Variants in NRXN3 observed in about 807,000 individuals in gnomAD.
NRXN3 encodes the protein neurexin 3, also known as neurexin III.
In NRXN3, 32 loss-of-function variants were observed where a neutral mutation model predicts 137.6. That is an observed-to-expected ratio of 0.23 (90% CI 0.18 to 0.31). The LOEUF is 0.31. Among genes scored for constraint, NRXN3 ranks in the 10% least tolerant of loss-of-function variants. The probability of loss-of-function intolerance (pLI) is 1.00; values close to 1 mark genes in which losing one functional copy is unlikely to be tolerated. For synonymous variants in NRXN3, 798 were observed against 784.5 expected (o/e 1.02, Z -0.29); for missense variants, 1,574 against 2,062.5 (o/e 0.76, Z 4.59).
chr14:78,366,849 G>T (rs150705537), intron 4 of NRXN3, among the ~76,000 whole-genome samples: 1 of 152,208 alleles, frequency 6.6e-6, no homozygotes, highest in Non-Finnish European at 1.5e-5. Flanking sequence ...AGATCTGGGC[G>T]TGGACACAGC....
At chr14:79,664,444 G>A (rs1483447985) in intron 17 of NRXN3, among the ~76,000 whole-genome samples, 1 of 152,088 alleles carries the variant, frequency 6.6e-6, no homozygotes, top group Non-Finnish European at 1.5e-5. Context: ...AACTAAGGTG[G>A]AATTTTATTC....
intron 1 of NRXN3, among the ~76,000 whole-genome samples, chr14:78,184,738 G>A (rs2060088752): frequency 6.6e-6 from 1 of 152,228 alleles, no homozygotes; most frequent in Non-Finnish European, 1.5e-5. Context: ...GACCAGGAGT[G>A]GCTAGATGAC....
At chr14:79,556,624 C>T (rs1567492768) in intron 16 of NRXN3, among the ~76,000 whole-genome samples, 1 of 152,124 alleles carries the variant, frequency 6.6e-6, no homozygotes, top group Non-Finnish European at 1.5e-5. Flanking sequence ...GATGCAATCA[C>T]AACCCACTGC....
intron 4 of NRXN3, among the ~76,000 whole-genome samples, chr14:78,359,075 G>T (rs923900873): frequency 1.3e-5 from 2 of 152,148 alleles, no homozygotes; most frequent in African/African-American, 4.8e-5. Context: ...ATTCATTACT[G>T]TGTAAGTGGG....
intron 4 of NRXN3, among the ~76,000 whole-genome samples, chr14:78,325,654 A>C (rs1310021740): frequency 6.6e-6 from 1 of 151,974 alleles, no homozygotes; most frequent in Admixed American, 6.6e-5. Context: ...GAACAGTTTG[A>C]AAAAAAGCAT....
At chr14:79,417,792 T>G (rs1257981471) in intron 15 of NRXN3, among the ~76,000 whole-genome samples, 10 of 152,094 alleles carry the variant, frequency 6.6e-5, no homozygotes, top group Admixed American at 6.6e-4. Context: ...ATTGAAAAAG[T>G]TCAATCCCCA....
rs575351486 is a variant in NRXN3 at position 79,273,409 on chromosome 14, C to T, written c.3263-193812C>T. ...CAGCACTTTGGGAGGCCAAGACGAG[C>T]GGATCACGAGGTCAGGAGATGGAGA... On this transcript the variant is annotated intron_variant, in intron 15 of 20. Transcript: ENST00000335750. 5.7e-4 allele frequency among the ~76,000 whole-genome samples: 86 copies of T among 151,636 alleles called. 1 individual carries two copies. Among genetic ancestry groups the T allele is most frequent in the African/African-American group, 1.8e-3 (76 of 41,258 alleles).
intron 20 of NRXN3, among the ~76,000 whole-genome samples, chr14:79,850,446 G>T (rs1315283174): frequency 6.6e-6 from 1 of 152,136 alleles, no homozygotes; most frequent in Non-Finnish European, 1.5e-5. Flanking sequence ...ATGTCTTTGG[G>T]ATTCTTGAGC....
intron 11 of NRXN3, among the ~76,000 whole-genome samples, chr14:78,958,279 T>C (rs1213372888): frequency 6.6e-6 from 1 of 152,050 alleles, no homozygotes; most frequent in African/African-American, 2.4e-5. Flanking sequence ...TGATGGTGGA[T>C]GTAATTTATG....
At chr14:79,337,748 A>G (rs891627657) in intron 15 of NRXN3, among the ~76,000 whole-genome samples, 1 of 152,152 alleles carries the variant, frequency 6.6e-6, no homozygotes, top group Non-Finnish European at 1.5e-5. Context: ...GATGCCCAGG[A>G]ATCACTAGAG....
chr14:78,996,747 G>C (rs2099531014), intron 15 of NRXN3, among the ~76,000 whole-genome samples: 1 of 152,138 alleles, frequency 6.6e-6, no homozygotes, highest in Admixed American at 6.6e-5. Flanking sequence ...GGGCAGCATA[G>C]CTCCATGATA....
At chr14:78,532,248 G>A (rs1600015514) in intron 4 of NRXN3, among the ~76,000 whole-genome samples, 1 of 151,580 alleles carries the variant, frequency 6.6e-6, no homozygotes, top group East Asian at 1.9e-4. Context: ...TTGAACCCAG[G>A]AGGCGGAAGT....
intron 4 of NRXN3, among the ~76,000 whole-genome samples, chr14:78,383,265 C>T (rs2089438380): frequency 6.6e-6 from 1 of 152,146 alleles, no homozygotes; most frequent in African/African-American, 2.4e-5. Context: ...AAGGTCTGCT[C>T]ACAATCTCCT....
At chr14:78,763,405 A>G (rs980707442) in intron 8 of NRXN3, among the ~76,000 whole-genome samples, 1 of 152,156 alleles carries the variant, frequency 6.6e-6, no homozygotes, top group Non-Finnish European at 1.5e-5. Context: ...TGTTGTAAGC[A>G]TTTGAGATAA....
intron 15 of NRXN3, among the ~76,000 whole-genome samples, chr14:79,175,648 C>A (rs1181844069): frequency 2.6e-5 from 4 of 152,168 alleles, no homozygotes; most frequent in African/African-American, 4.8e-5. Flanking sequence ...TATCACACTG[C>A]CGAATTACAC....
At chr14:78,312,582 A>T (rs2078099905) in intron 4 of NRXN3, among the ~76,000 whole-genome samples, 1 of 136,268 alleles carries the variant, frequency 7.3e-6, no homozygotes, top group Admixed American at 7.0e-5. Context: ...ACTAAAAAGA[A>T]ACATTTTTTT....
chr14:79,532,189 G>T (rs1321301469), intron 16 of NRXN3, among the ~76,000 whole-genome samples: 1 of 152,148 alleles, frequency 6.6e-6, no homozygotes, highest in African/African-American at 2.4e-5. Flanking sequence ...AGCATTTATA[G>T]CATATATGGA....
At chr14:78,466,866 A>G (rs757150078) in intron 4 of NRXN3, among the ~76,000 whole-genome samples, 1 of 152,248 alleles carries the variant, frequency 6.6e-6, no homozygotes, top group Non-Finnish European at 1.5e-5. Flanking sequence ...AATATCATGA[A>G]TGATGAATAG....
chr14:78,970,916 T>A (rs1012373519), intron 14 of NRXN3, among the ~76,000 whole-genome samples: 1 of 152,142 alleles, frequency 6.6e-6, no homozygotes, highest in Admixed American at 6.5e-5. Context: ...ATTACAACGG[T>A]TACCCACTGA....
Sources: gnomAD v4.1 joint callset for allele counts (sites outside exome capture counted in the v4.1 genomes callset) on GRCh38, gnomAD v4.1.1 for gene constraint, MANE v1.5 for transcripts, NCBI Gene and HGNC (gene_info 2026-07-23, HGNC 2026-07-21) for gene names.